The following AGMO variants were observed in gnomAD, a reference collection of about 807,000 sequenced individuals.
AGMO encodes the protein glyceryl-ether monooxygenase.
A neutral mutation model predicts 60.2 loss-of-function variants in AGMO; 75 were observed. That is an observed-to-expected ratio of 1.25 (90% confidence interval 1.03 to 1.51). The LOEUF is 1.51. Ranked by LOEUF, AGMO falls within the 40% of genes most tolerant of loss-of-function variation. AGMO has a pLI of 0.00. For missense variants in AGMO, 763 were observed against 525.5 expected (o/e 1.45, Z -4.42); for synonymous variants, 261 against 177.1 (o/e 1.47, Z -3.76).
chr7:15,553,690 A>G (rs1436998368), intron 2 of AGMO, among the ~76,000 whole-genome samples: 1 of 152,150 alleles, frequency 6.6e-6, no homozygotes, highest in Admixed American at 6.6e-5. Flanking sequence ...AAGGTCCTAG[A>G]AAAACTTCCA....
At chr7:15,497,787 A>G (rs1783271495) in intron 3 of AGMO, among the ~76,000 whole-genome samples, 1 of 152,088 alleles carries the variant, frequency 6.6e-6, no homozygotes, top group Non-Finnish European at 1.5e-5. Context: ...AATCAACATA[A>G]AAAAGCATTT....
intron 12 of AGMO, among the ~76,000 whole-genome samples, chr7:15,363,429 C>T (rs980756033): frequency 6.6e-6 from 1 of 152,180 alleles, no homozygotes; most frequent in Admixed American, 6.5e-5. Context: ...ATTTAATCCT[C>T]AAAATCCTAC....
chr7:15,245,671 C>CTTTT (rs1782719653), intron 12 of AGMO, among the ~76,000 whole-genome samples: 1 of 152,132 alleles, frequency 6.6e-6, no homozygotes, highest in Admixed American at 6.6e-5. Context: ...ATTTTCGCTA[C>CTTTT]TAAAAAGGAG....
chr7:15,242,266 G>A (rs1341374266), intron 12 of AGMO, among the ~76,000 whole-genome samples: 2 of 152,114 alleles, frequency 1.3e-5, no homozygotes, highest in African/African-American at 4.8e-5. Flanking sequence ...TACTACACAT[G>A]ATCTCTTGAA....
intron 3 of AGMO, among the ~76,000 whole-genome samples, chr7:15,433,288 G>C (rs533604764): frequency 1.3e-5 from 2 of 152,064 alleles, no homozygotes; most frequent in East Asian, 1.9e-4. Context: ...GGAGGTTAAA[G>C]ATCTGTCTTT....
the AGMO span, among the ~76,000 whole-genome samples, chr7:15,130,857 T>C: frequency 6.6e-6 from 1 of 152,170 alleles, no homozygotes; most frequent in Non-Finnish European, 1.5e-5. Context: ...GAGTAATACA[T>C]GAGCAATGCT....
intron 2 of AGMO, among the ~76,000 whole-genome samples, chr7:15,559,740 A>C (rs1785249635): frequency 6.6e-6 from 1 of 152,106 alleles, no homozygotes; most frequent in Non-Finnish European, 1.5e-5. Context: ...GCCAGACACC[A>C]ATTAGCAAAC....
chr7:15,507,992 C>T (rs1051640842), intron 3 of AGMO, among the ~76,000 whole-genome samples: 4 of 151,656 alleles, frequency 2.6e-5, no homozygotes, highest in African/African-American at 7.3e-5. Flanking sequence ...AAAAATGTAC[C>T]GTAATAAAAT....
intron 3 of AGMO, among the ~76,000 whole-genome samples, chr7:15,449,636 T>C (rs1302067645): frequency 6.6e-6 from 1 of 152,220 alleles, no homozygotes; most frequent in African/African-American, 2.4e-5. Context: ...TCTAGGTTTG[T>C]GTAAGTACAC....
chr7:15,345,072 A>G (rs1251849434), intron 12 of AGMO, among the ~76,000 whole-genome samples: 1 of 152,140 alleles, frequency 6.6e-6, no homozygotes, highest in Non-Finnish European at 1.5e-5. Context: ...TTCCTGTATT[A>G]TACCTACCTC....
chr7:15,453,705 A>G (rs1781915556), intron 3 of AGMO, among the ~76,000 whole-genome samples: 1 of 152,106 alleles, frequency 6.6e-6, no homozygotes, highest in South Asian at 2.1e-4. Flanking sequence ...GCAGGCTTAG[A>G]GCTTCAGCTT....
chr7:15,292,503 G>T (rs1784292999), intron 12 of AGMO, among the ~76,000 whole-genome samples: 1 of 152,146 alleles, frequency 6.6e-6, no homozygotes, highest in South Asian at 2.1e-4. Context: ...AAAATATGAG[G>T]ACGACTAGTA....
At position 15,418,108 on chromosome 7, in the gene AGMO, G is replaced by A. The variant is rs1055047075; in HGVS notation, c.609+450C>T. On this transcript the variant is annotated intron_variant, in intron 5 of 12. Coordinates refer to ENST00000342526, the MANE Select transcript of AGMO (RefSeq NM_001004320.2). Reference sequence around the variant, plus strand: ...ATAAAATTTAATCTCTGTAGTTAGAGCAAGTTTTCCAATCAAAAATTATTT... The same window carrying A: ...ATAAAATTTAATCTCTGTAGTTAGAACAAGTTTTCCAATCAAAAATTATTT... 4.6e-5 allele frequency among the ~76,000 whole-genome samples: 7 copies of A among 152,044 alleles called. No homozygotes were observed. The East Asian group carries it at 1.2e-3, about 25-fold the overall frequency.
chr7:15,219,327 A>G (rs1286763501), intron 12 of AGMO, among the ~76,000 whole-genome samples: 2 of 152,156 alleles, frequency 1.3e-5, no homozygotes, highest in East Asian at 3.9e-4. Flanking sequence ...GAAGTGCTGG[A>G]GCACAGTAGT....
chr7:15,508,823 T>C (rs1441870455), intron 3 of AGMO, among the ~76,000 whole-genome samples: 1 of 152,190 alleles, frequency 6.6e-6, no homozygotes, highest in Non-Finnish European at 1.5e-5. Flanking sequence ...ATGTAAATAA[T>C]AATGTATGGA....
intron 12 of AGMO, among the ~76,000 whole-genome samples, chr7:15,279,589 C>T (rs4624927): frequency 6.6e-6 from 1 of 151,976 alleles, no homozygotes; most frequent in Non-Finnish European, 1.5e-5. Flanking sequence ...GAAAGACAAA[C>T]TGGTGTGTAG....
chr7:15,354,706 TAAG>T (rs1199397830), intron 12 of AGMO, among the ~76,000 whole-genome samples: 1 of 149,840 alleles, frequency 6.7e-6, no homozygotes, highest in Non-Finnish European at 1.5e-5. Context: ...AGTTAGAAGT[TAAG>T]AAAGAAGAAG....
chr7:15,349,984 C>A (rs1782179920), intron 12 of AGMO, among the ~76,000 whole-genome samples: 1 of 152,078 alleles, frequency 6.6e-6, no homozygotes, highest in Non-Finnish European at 1.5e-5. Flanking sequence ...CAAATGTGAA[C>A]AAATGGTAAC....
At chr7:15,179,508 C>G in the AGMO span, among the ~76,000 whole-genome samples, 3 of 152,078 alleles carry the variant, frequency 2.0e-5, no homozygotes, top group Non-Finnish European at 4.4e-5. Flanking sequence ...AGCTCCATTT[C>G]CTAAATTCTG....
Sources: allele counts gnomAD v4.1 joint callset (sites outside exome capture counted in the v4.1 genomes callset), GRCh38; gene constraint gnomAD v4.1.1; transcripts MANE v1.5; gene names NCBI Gene and HGNC (gene_info 2026-07-23, HGNC 2026-07-21).